Variants in ZNF503 observed in about 807,000 individuals in gnomAD.
The protein encoded by ZNF503 is zinc finger protein 503.
In ZNF503, 15 loss-of-function variants were observed where a neutral mutation model predicts 34.4. The ratio of observed to expected loss-of-function variants is 0.44; its 90% CI spans 0.29 to 0.67. ZNF503 has a LOEUF of 0.67. ZNF503 is among the 30% of genes least tolerant of loss of function. The pLI is 0.13. For missense variants in ZNF503, 1,007 were observed against 926.8 expected (o/e 1.09, Z -1.12); for synonymous variants, 580 against 456.8 (o/e 1.27, Z -3.44).
chr10:75,333,400 G>A, the ZNF503 span, among the ~76,000 whole-genome samples: 2 of 51,736 alleles, frequency 3.9e-5, no homozygotes, highest in Non-Finnish European at 7.5e-5. Context: ...GCGGCTGGCC[G>A]GGTGGAGGGC....
the ZNF503 span, among the ~76,000 whole-genome samples, chr10:75,291,050 T>C: frequency 1.3e-5 from 2 of 152,210 alleles, no homozygotes; most frequent in Non-Finnish European, 1.5e-5. Flanking sequence ...TAGAAGGAAA[T>C]GTCCGCTCTT....
the ZNF503 span, among the ~76,000 whole-genome samples, chr10:75,321,194 T>A: frequency 1.3e-5 from 2 of 152,176 alleles, no homozygotes; most frequent in African/African-American, 4.8e-5. Flanking sequence ...CTACTTGGAT[T>A]GTTAGTTTCC....
chr10:75,385,799 T>A, the ZNF503 span, among the ~76,000 whole-genome samples: 1 of 151,902 alleles, frequency 6.6e-6, no homozygotes, highest in Non-Finnish European at 1.5e-5. Flanking sequence ...ACTGGCAGAA[T>A]GACTGTTCTT....
chr10:75,304,178 C>A, the ZNF503 span, among the ~76,000 whole-genome samples: 1,356 of 152,214 alleles, frequency 8.9e-3, 23 homozygotes, highest in African/African-American at 0.032. Context: ...TTTGGTTGTT[C>A]TTTTTGGTCT....
At chr10:75,343,405 A>G in the ZNF503 span, 3 of 152,434 alleles carry the variant, frequency 2.0e-5, no homozygotes, top group South Asian at 2.1e-4. Flanking sequence ...GGGTTTGCAC[A>G]TGGATTCGGT....
chr10:75,346,555 AC>A, the ZNF503 span, among the ~76,000 whole-genome samples: 1 of 136,978 alleles, frequency 7.3e-6, no homozygotes, highest in African/African-American at 2.7e-5. Flanking sequence ...CTCAGCCACC[AC>A]CCCCCTCCAA....
At chr10:75,369,554 C>T in the ZNF503 span, among the ~76,000 whole-genome samples, 1 of 152,226 alleles carries the variant, frequency 6.6e-6, no homozygotes, top group Non-Finnish European at 1.5e-5. Flanking sequence ...GAGGCCTCCC[C>T]AGCCATGTGG....
At chr10:75,338,419 G>T in the ZNF503 span, 5 of 152,224 alleles carry the variant, frequency 3.3e-5, no homozygotes, top group African/African-American at 1.2e-4. Context: ...TTTCTCATCA[G>T]ATAAGTAAGG....
chr10:75,380,540 C>T, the ZNF503 span, among the ~76,000 whole-genome samples: 12 of 152,314 alleles, frequency 7.9e-5, no homozygotes, highest in South Asian at 8.3e-4. Flanking sequence ...CCCATAACCC[C>T]GAATGGGCCC....
At chr10:75,345,761 T>C in the ZNF503 span, among the ~76,000 whole-genome samples, 1 of 151,634 alleles carries the variant, frequency 6.6e-6, no homozygotes, top group Non-Finnish European at 1.5e-5. Context: ...CTTAGATGCT[T>C]GTTATGGGGG....
chr10:75,357,718 A>G, the ZNF503 span, among the ~76,000 whole-genome samples: 2 of 152,282 alleles, frequency 1.3e-5, no homozygotes, highest in Non-Finnish European at 2.9e-5. Context: ...CACAGCTAAG[A>G]TGTGGTAGAA....
At chr10:75,327,247 G>A in the ZNF503 span, among the ~76,000 whole-genome samples, 5 of 56,692 alleles carry the variant, frequency 8.8e-5, no homozygotes, top group African/African-American at 3.6e-4. Context: ...CCCTGCCCCT[G>A]GCCCCTACCC....
the ZNF503 span, among the ~76,000 whole-genome samples, chr10:75,327,391 A>G: frequency 6.6e-6 from 1 of 152,118 alleles, no homozygotes. Context: ...ACTTAACATA[A>G]TGTCCTCCAG....
At chr10:75,318,749 CAGAA>C in the ZNF503 span, among the ~76,000 whole-genome samples, 1 of 148,782 alleles carries the variant, frequency 6.7e-6, no homozygotes, top group Non-Finnish European at 1.5e-5. Context: ...TTTCTTTAAA[CAGAA>C]AGGAAATAAT....
chr10:75,318,503 TA>T, the ZNF503 span, among the ~76,000 whole-genome samples: 3 of 151,158 alleles, frequency 2.0e-5, no homozygotes, highest in Admixed American at 2.0e-4. Flanking sequence ...ACCCTGTCTC[TA>T]AAAAAAATAG....
the ZNF503 span, among the ~76,000 whole-genome samples, chr10:75,351,963 A>G: frequency 6.6e-6 from 1 of 152,194 alleles, no homozygotes; most frequent in Non-Finnish European, 1.5e-5. Flanking sequence ...AGAACAGGTC[A>G]TGTGCATGCC....
At chr10:75,349,324 C>T in the ZNF503 span, among the ~76,000 whole-genome samples, 2 of 152,140 alleles carry the variant, frequency 1.3e-5, no homozygotes, top group African/African-American at 2.4e-5. Flanking sequence ...ATGACATTGA[C>T]ATTTTTGAAG....
chr10:75,401,371 C>G lies in ZNF503; in HGVS notation c.49G>C (p.Gly17Arg). 6.5e-7 allele frequency: 1 copy of G among 1,539,590 alleles called. No individual in the cohort carries two copies. The highest frequency in any genetic ancestry group is 8.7e-7 in the Non-Finnish European group (1 of 1,146,418). Residue 17 changes from glycine to arginine, a missense_variant, in exon 1 of 2, where the codon GGC becomes CGC. By Grantham distance (125) the Gly-to-Arg change is moderately radical. Transcript: ENST00000372524. ...LSALRSSKHSGGGGGGGGGGG... is the reference protein window; with the variant it reads ...LSALRSSKHSRGGGGGGGGGG... Reference sequence around the variant, plus strand: ...CCTCCGCCTCCGCCGCCGCCGCCGCCGCTGTGCTTACTGCTTCTTAGGGCA... The same window carrying G: ...CCTCCGCCTCCGCCGCCGCCGCCGCGGCTGTGCTTACTGCTTCTTAGGGCA...
the ZNF503 span, among the ~76,000 whole-genome samples, chr10:75,360,157 G>A: frequency 7.9e-6 from 1 of 126,944 alleles, no homozygotes; most frequent in East Asian, 2.4e-4. Flanking sequence ...ATCTCGCTCT[G>A]TCACCCAGGC....
Sources: gnomAD v4.1 joint callset for allele counts (sites outside exome capture counted in the v4.1 genomes callset) on GRCh38, gnomAD v4.1.1 for gene constraint, MANE v1.5 for transcripts, NCBI Gene and HGNC (gene_info 2026-07-23, HGNC 2026-07-21) for gene names.